Variants in CFAP46 observed in about 807,000 individuals in gnomAD.
CFAP46 encodes the protein cilia- and flagella-associated protein 46.
Under a neutral mutation model 325.7 loss-of-function variants are expected in CFAP46, and 245 were observed. That is an observed-to-expected ratio of 0.75 (90% CI 0.68 to 0.84). CFAP46 has a LOEUF of 0.84. Among genes scored for constraint, CFAP46 ranks in the 40% least tolerant of loss-of-function variants. CFAP46 has a pLI of 0.00. For synonymous variants in CFAP46, 1,523 were observed against 1,495.9 expected (o/e 1.02, Z -0.42); for missense variants, 3,346 against 3,543.0 (o/e 0.94, Z 1.41).
At chr10:132,908,149 G>T (rs532995417) in intron 22 of CFAP46, among the ~76,000 whole-genome samples, 2 of 152,246 alleles carry the variant, frequency 1.3e-5, no homozygotes, top group African/African-American at 2.4e-5. Context: ...GAGGGCACGG[G>T]GCCGGCAGGA....
chr10:132,919,262 C>A lies in CFAP46; in HGVS notation c.1858+53G>T. The A allele has an allele frequency of 6.6e-7, 1 of 1,515,326 alleles. No individual in the cohort carries two copies. The highest frequency in any genetic ancestry group is 8.9e-7 in the Non-Finnish European group (1 of 1,127,956). 93.9% of individuals were successfully genotyped at this position (1,515,326 alleles called of 1,614,324 possible). ...GCACGAACCACAACCCTTCCCACAC[C>A]CAGAGGGCGGCCGTGGCCAGGCTGG... is the stretch of plus-strand genomic sequence containing the variant. On this transcript the variant is annotated intron_variant, in intron 15 of 57. Transcript: ENST00000368586. This position sits in a 1 kb window ranked among gnomAD's most constrained non-coding sequence, Gnocchi z 9.7.
At chr10:132,932,437 G>C (rs995054424) in intron 8 of CFAP46, among the ~76,000 whole-genome samples, 2 of 150,052 alleles carry the variant, frequency 1.3e-5, no homozygotes, top group Admixed American at 6.6e-5. Context: ...TCGCCACACA[G>C]AGCCTGGGCC....
chr10:132,845,952 G>C (rs1848427373), intron 44 of CFAP46, 105 bp downstream of exon 44: 1 of 1,252,002 alleles, frequency 8.0e-7, no homozygotes, highest in South Asian at 1.5e-5. Flanking sequence ...TGAGCTGGGG[G>C]GTGAGCAAGG....
At chr10:132,892,462 G>A (rs1037706361) in intron 24 of CFAP46, 45 bp from the exon 25 acceptor site, 12 of 1,525,598 alleles carry the variant, frequency 7.9e-6, no homozygotes, top group Non-Finnish European at 1.1e-5. Context: ...AAAGTTGCAA[G>A]ACAGTCTTTC....
At position 132,847,013 on chromosome 10, in the gene CFAP46, T is replaced by A. The variant is rs756218909; in HGVS notation, c.6186A>T (p.Ala2062=). 1 of 1,610,768 alleles carries A rather than the reference T, an allele frequency of 6.2e-7. No homozygotes were observed. The highest frequency in any genetic ancestry group is 8.5e-7 in the Non-Finnish European group (1 of 1,179,572). The change falls in exon 43 of 58, where the codon GCA becomes GCT. Residue 2062 remains alanine, a synonymous_variant. Coordinates refer to ENST00000368586, the MANE Select transcript of CFAP46 (RefSeq NM_001200049.3). The surrounding 1 kb of genome is among the most constrained non-coding windows in gnomAD (Gnocchi z 5.2). The stretch of plus-strand genomic sequence containing the variant: ...CCACCATCTCCAGGCTGGCGGCTGC[T>A]GCGACATCCAGGAGGCCACTGCCAA... ...VALGSGLLDV[A]AAASLEMVEC...
intron 50 of CFAP46, among the ~76,000 whole-genome samples, chr10:132,823,784 A>ACTGATGTGTGCTGTGTGCG (rs1847954809): frequency 4.9e-5 from 2 of 40,718 alleles, no homozygotes; most frequent in Non-Finnish European, 1.1e-4. Flanking sequence ...CTGTGTGTGC[A>ACTGATGTGTGCTGTGTGCG]CTGATGTGTG....
At chr10:132,855,962 G>A (rs535065972) in intron 39 of CFAP46, among the ~76,000 whole-genome samples, 4 of 152,280 alleles carry the variant, frequency 2.6e-5, no homozygotes, top group Admixed American at 2.6e-4. Flanking sequence ...CTTCCAGTGG[G>A]TGTGGCTTCC....
chr10:132,936,810 C>T (rs1390413269), intron 7 of CFAP46, 151 bp downstream of exon 7: 2 of 423,862 alleles, frequency 4.7e-6, no homozygotes, highest in Non-Finnish European at 8.3e-6. Context: ...ACCCTGAGGT[C>T]TCCCAGGCTC....
chr10:132,841,036 A>T (rs1848338299), intron 44 of CFAP46, among the ~76,000 whole-genome samples: 1 of 152,184 alleles, frequency 6.6e-6, no homozygotes, highest in Admixed American at 6.5e-5. Context: ...AAAACCATTA[A>T]TTAGATCAAT....
chr10:132,853,512 A>G (rs1848593135), intron 39 of CFAP46, among the ~76,000 whole-genome samples: 1 of 152,194 alleles, frequency 6.6e-6, no homozygotes, highest in African/African-American at 2.4e-5. Flanking sequence ...TTTTGGTATC[A>G]AGGTAATATT....
At chr10:132,898,343 G>A (rs1044421291) in intron 24 of CFAP46, among the ~76,000 whole-genome samples, 9 of 152,202 alleles carry the variant, frequency 5.9e-5, no homozygotes, top group African/African-American at 2.2e-4. Flanking sequence ...TGCCCAGCGA[G>A]AAGCTGGCCA....
At chr10:132,887,777 T>C (rs1268502045) in intron 25 of CFAP46, among the ~76,000 whole-genome samples, 1 of 67,448 alleles carries the variant, frequency 1.5e-5, no homozygotes, top group East Asian at 5.7e-4. Context: ...TCTCCCTTCT[T>C]CTCTCTCCTC....
intron 17 of CFAP46, among the ~76,000 whole-genome samples, chr10:132,914,784 C>G (rs1297028887): frequency 1.4e-5 from 2 of 142,416 alleles, no homozygotes; most frequent in African/African-American, 5.2e-5. Flanking sequence ...ACACTGCACC[C>G]CGGCCCGAGG....
rs756132692 is a variant in CFAP46 at position 132,910,112 on chromosome 10, A to G, written c.2500-44T>C. On this transcript the variant is annotated intron_variant, in intron 19 of 57. Transcript: ENST00000368586. ...CGGTCACGAAACCTGAATTCTAAAC[A>G]GGGGACCTTGAGCCAAGATCCGAAC... is the stretch of plus-strand genomic sequence containing the variant. 10 of 1,359,490 alleles carry G rather than the reference A, an allele frequency of 7.4e-6. No individual in the cohort carries two copies. The African/African-American group carries it at 1.5e-4, about 20-fold the overall frequency. The allele number at this position is 1,359,490 out of a possible 1,614,324, so 84.2% of individuals were successfully genotyped here. A position where few individuals can be genotyped will look rare whatever the true frequency, so the allele number is the denominator to read the frequency against.
At chr10:132,929,832 G>A (rs1404204747) in intron 8 of CFAP46, 28 bp from the exon 9 acceptor site, 5 of 1,548,630 alleles carry the variant, frequency 3.2e-6, no homozygotes, top group African/African-American at 2.7e-5. Flanking sequence ...AGCCAGCACC[G>A]GCTCAATAGG....
intron 19 of CFAP46, among the ~76,000 whole-genome samples, chr10:132,910,374 C>G (rs975678406): frequency 6.6e-6 from 1 of 152,236 alleles, no homozygotes; most frequent in African/African-American, 2.4e-5. Context: ...ACCCCTCCCC[C>G]ACTGCAGCTG....
At chr10:132,940,809 G>T (rs759024709) in intron 4 of CFAP46, among the ~76,000 whole-genome samples, 187 bp downstream of exon 4, 1 of 152,212 alleles carries the variant, frequency 6.6e-6, no homozygotes, top group Non-Finnish European at 1.5e-5. Context: ...GCTGTTACTC[G>T]GAATTCGGCA....
At chr10:132,820,960 G>A (rs1385998093) in intron 50 of CFAP46, among the ~76,000 whole-genome samples, 18 of 111,820 alleles carry the variant, frequency 1.6e-4, no homozygotes, top group African/African-American at 5.1e-4. Flanking sequence ...GTGTGCTGAT[G>A]TGTGCTGTGT....
chr10:132,846,022 T>C, intron 44 of CFAP46, 35 bp downstream of exon 44: 28 of 1,583,996 alleles, frequency 1.8e-5, no homozygotes, highest in Non-Finnish European at 2.4e-5. Context: ...GCTCCAGAGC[T>C]GGGGGCAGGT....
Sources: allele counts gnomAD v4.1 joint callset (sites outside exome capture counted in the v4.1 genomes callset), GRCh38; gene constraint gnomAD v4.1.1; non-coding constraint Gnocchi (gnomAD v3.1); transcripts MANE v1.5; gene names NCBI Gene and HGNC (gene_info 2026-07-23, HGNC 2026-07-21).